Variants in GMEB2 observed in about 807,000 individuals in gnomAD.
The protein encoded by GMEB2 is glucocorticoid modulatory element-binding protein 2.
A neutral mutation model predicts 45.7 loss-of-function variants in GMEB2; 7 were observed. That is an observed-to-expected ratio of 0.15 (90% confidence interval 0.09 to 0.29). The LOEUF (loss-of-function observed/expected upper bound fraction) is 0.29. GMEB2 is among the 10% of genes least tolerant of loss of function. The probability of loss-of-function intolerance (pLI) is 1.00; values close to 1 mark genes in which losing one functional copy is unlikely to be tolerated. For synonymous variants in GMEB2, 322 were observed against 323.6 expected (o/e 1.00, Z 0.05); for missense variants, 582 against 739.2 (o/e 0.79, Z 2.47).
chr20:63,611,644 G>C (rs1289075366), intron 2 of GMEB2, among the ~76,000 whole-genome samples: 1 of 151,954 alleles, frequency 6.6e-6, no homozygotes, highest in African/African-American at 2.4e-5. Flanking sequence ...CATCTGACTA[G>C]TGTGATCTCG....
rs1163102578 is a variant in GMEB2 at position 63,593,117 on chromosome 20, T to C, written c.620-35A>G. 1.5e-6 allele frequency: 2 copies of C among 1,371,612 alleles called. No individual in the cohort carries two copies. The highest frequency in any genetic ancestry group is 2.1e-6 in the Non-Finnish European group (2 of 965,692). The allele number at this position is 1,371,612 out of a possible 1,614,324, so 85.0% of individuals were successfully genotyped here. ...AAAGGGAACCTCGGGTGAGTGCTGT[T>C]TGGACCACAGTCCCACACCCCACAT... On this transcript the variant is annotated intron_variant, in intron 6 of 9. Transcript: ENST00000370077. The surrounding 1 kb of genome is among the most constrained non-coding windows in gnomAD (Gnocchi z 4.7).
intron 2 of GMEB2, among the ~76,000 whole-genome samples, chr20:63,617,314 C>T (rs1182003470): frequency 6.6e-6 from 1 of 152,082 alleles, no homozygotes; most frequent in African/African-American, 2.4e-5. Flanking sequence ...AAAGATCTTT[C>T]TCTCTCCCTC....
At chr20:63,604,160 G>C (rs1240118389) in intron 3 of GMEB2, among the ~76,000 whole-genome samples, 1 of 143,294 alleles carries the variant, frequency 7.0e-6, no homozygotes, top group African/African-American at 2.6e-5. Context: ...GAGGCCAGGA[G>C]TTCGAGACCA....
rs2083107383 is a variant in GMEB2, at chr20:63,587,826, C to G, written c.*2263G>C. On this transcript the variant is annotated 3_prime_UTR_variant, in exon 10 of 10. Transcript: ENST00000370077. Reference sequence around the variant, plus strand: ...TGTACGTGGTTGAGAAGGTCCTCCTCTCTGAGTACTGGCTGGCCCCAAGGC... The same window carrying G: ...TGTACGTGGTTGAGAAGGTCCTCCTGTCTGAGTACTGGCTGGCCCCAAGGC... 1 of 152,420 alleles carries G rather than the reference C, an allele frequency of 6.6e-6. No individual in the cohort carries two copies. The highest frequency in any genetic ancestry group is 1.5e-5 in the Non-Finnish European group (1 of 68,074). 9.4% of individuals were successfully genotyped at this position (152,420 alleles called of 1,614,324 possible).
At chr20:63,616,780 G>A (rs1261029115) in intron 2 of GMEB2, among the ~76,000 whole-genome samples, 1 of 152,250 alleles carries the variant, frequency 6.6e-6, no homozygotes, top group Non-Finnish European at 1.5e-5. Flanking sequence ...AAGACCCTGA[G>A]AGGTGGAGGC....
intron 4 of GMEB2, among the ~76,000 whole-genome samples, chr20:63,601,535 T>C (rs1485152997): frequency 8.6e-6 from 1 of 116,464 alleles, no homozygotes; most frequent in Non-Finnish European, 2.1e-5. Context: ...ATGCTCTCTT[T>C]TCTTTTTTTT....
At chr20:63,608,940 C>CA (rs2089543655) in intron 2 of GMEB2, among the ~76,000 whole-genome samples, 7 of 23,412 alleles carry the variant, frequency 3.0e-4, no homozygotes, top group Non-Finnish European at 1.4e-3. Context: ...GTGACCCCAC[C>CA]TCCATTTCTA....
rs2083160738 is a variant in GMEB2 at position 63,592,842 on chromosome 20, C to T, written c.691+169G>A. Among the ~76,000 whole-genome samples the T allele has an allele frequency of 6.6e-6, 1 of 152,190 alleles. No individual in the cohort carries two copies. The highest frequency in any genetic ancestry group is 1.5e-5 in the Non-Finnish European group (1 of 68,032). Reference sequence around the variant, plus strand: ...ACACATCCACAGTGCCAAAATCTAGCAGGTCAGCCTCAGAGCGCCCACGAC... The same window carrying T: ...ACACATCCACAGTGCCAAAATCTAGTAGGTCAGCCTCAGAGCGCCCACGAC... On this transcript the variant is annotated intron_variant, in intron 7 of 9. Transcript: ENST00000370077. The surrounding 1 kb of genome is among the most constrained non-coding windows in gnomAD (Gnocchi z 8.2).
chr20:63,602,159 G>T (rs961459845), intron 4 of GMEB2, among the ~76,000 whole-genome samples: 2 of 152,230 alleles, frequency 1.3e-5, no homozygotes, highest in Admixed American at 1.3e-4. Context: ...CTTTTTGTTT[G>T]TTTCTGTCAG....
rs1485828112 is a variant in GMEB2, at chr20:63,593,880, T to C, written c.620-798A>G. 6.6e-6 allele frequency among the ~76,000 whole-genome samples: 1 copy of C among 152,000 alleles called. No individual in the cohort carries two copies. The highest frequency in any genetic ancestry group is 1.5e-5 in the Non-Finnish European group (1 of 67,992). On this transcript the variant is annotated intron_variant, in intron 6 of 9. Coordinates refer to ENST00000370077, the MANE Select transcript of GMEB2 (RefSeq NM_012384.5). This position sits in a 1 kb window ranked among gnomAD's most constrained non-coding sequence, Gnocchi z 4.7. ...CTACTAAAATACAAAGTCAACCGGGTGTGGCGGCGTGCGCCTGTAATCCCA... is the reference window on the plus strand; with the variant it reads ...CTACTAAAATACAAAGTCAACCGGGCGTGGCGGCGTGCGCCTGTAATCCCA...
chr20:63,595,833 C>T (rs991208632), intron 5 of GMEB2, 66 bp from the exon 6 acceptor site: 3 of 1,484,056 alleles, frequency 2.0e-6, no homozygotes, highest in Non-Finnish European at 2.8e-6. Context: ...GGCCCGCCCA[C>T]CCTGACCTGG....
intron 4 of GMEB2, among the ~76,000 whole-genome samples, chr20:63,600,908 C>G (rs966099865): frequency 2.6e-5 from 4 of 152,044 alleles, no homozygotes; most frequent in African/African-American, 9.7e-5. Context: ...CTCACTGCAT[C>G]AGGAGGCTCA....
intron 1 of GMEB2, among the ~76,000 whole-genome samples, chr20:63,620,309 G>GA (rs2089636256): frequency 6.9e-6 from 1 of 145,548 alleles, no homozygotes; most frequent in African/African-American, 2.4e-5. Context: ...AAAAAGCTTG[G>GA]AGACAGGGGA....
chr20:63,610,296 C>T (rs897588640), intron 2 of GMEB2, among the ~76,000 whole-genome samples: 13 of 152,108 alleles, frequency 8.5e-5, no homozygotes, highest in Non-Finnish European at 1.5e-4. Flanking sequence ...CCGAGGCAGG[C>T]GGATCACAAG....
In GMEB2 at chr20:63,597,840, G is replaced by C; in HGVS notation, c.378C>G (p.Ser126Arg). The C allele has an allele frequency of 6.2e-7, 1 of 1,605,498 alleles. No individual in the cohort carries two copies. Among genetic ancestry groups the C allele is most frequent in the Non-Finnish European group, 8.5e-7 (1 of 1,172,148 alleles). The change falls in exon 5 of 10, where the codon AGC (serine) becomes AGG (arginine). Residue 126 changes from serine to arginine, a missense_variant. Physicochemically the swap from Ser to Arg is moderately radical, Grantham distance 110. Coordinates refer to ENST00000370077, the MANE Select transcript of GMEB2 (RefSeq NM_012384.5). ...CGGCCAGGTGCACAAATTCCTTTGG[G>C]CTGATTACATGCTCGTCGTACTGTG... ...KCVQYDEHVISPKEFVHLAGK... is the reference protein window; with the variant it reads ...KCVQYDEHVIRPKEFVHLAGK...
chr20:63,621,737 G>A (rs2089643882), intron 1 of GMEB2, among the ~76,000 whole-genome samples: 3 of 144,782 alleles, frequency 2.1e-5, no homozygotes, highest in South Asian at 2.2e-4. Context: ...ATATTTTACC[G>A]TAATAAAAAC....
At position 63,618,512 on chromosome 20, in the gene GMEB2, G is replaced by A. The variant is rs936556212; in HGVS notation, c.131+755C>T. Among the ~76,000 whole-genome samples the A allele has an allele frequency of 3.9e-5, 6 of 152,194 alleles. No homozygotes were observed. The South Asian group carries it at 6.2e-4, about 16-fold the overall frequency. On this transcript the variant is annotated intron_variant, in intron 2 of 9. Coordinates refer to ENST00000370077, the MANE Select transcript of GMEB2 (RefSeq NM_012384.5). ...CACCAAGGGAGGTCTGACCTACACCGCACAGGGGTTGGCAGTCTAGAGTCG... is the reference window on the plus strand; with the variant it reads ...CACCAAGGGAGGTCTGACCTACACCACACAGGGGTTGGCAGTCTAGAGTCG...
intron 1 of GMEB2, among the ~76,000 whole-genome samples, chr20:63,624,913 G>A (rs911876392): frequency 6.6e-6 from 1 of 151,838 alleles, no homozygotes; most frequent in African/African-American, 2.4e-5. Flanking sequence ...TCACCATGTT[G>A]GCCAGGACAG....
At position 63,592,202 on chromosome 20, in the gene GMEB2, GGACGCTCGGT is replaced by G; in HGVS notation, c.830-68_830-59del. The G allele has an allele frequency of 8.4e-6, 13 of 1,555,766 alleles. No individual in the cohort carries two copies. The highest frequency in any genetic ancestry group is 1.1e-5 in the Non-Finnish European group (13 of 1,143,472). On this transcript the variant is annotated intron_variant, in intron 8 of 9. Coordinates refer to ENST00000370077, the MANE Select transcript of GMEB2 (RefSeq NM_012384.5). This position sits in a 1 kb window ranked among gnomAD's most constrained non-coding sequence, Gnocchi z 8.2. ...CCAAGCCCTTCCTAGAGAGCCACGC[GGACGCTCGGT>G]GAGAGCCCGGGACCTTCCTAGAGAG...
Sources: allele counts gnomAD v4.1 joint callset (sites outside exome capture counted in the v4.1 genomes callset), GRCh38; gene constraint gnomAD v4.1.1; non-coding constraint Gnocchi (gnomAD v3.1); transcripts MANE v1.5; gene names NCBI Gene and HGNC (gene_info 2026-07-23, HGNC 2026-07-21).